The following ZDHHC15 variants were observed in gnomAD, a reference collection of about 807,000 sequenced individuals.
The protein encoded by ZDHHC15 is palmitoyltransferase ZDHHC15.
ZDHHC15 carries 19 observed loss-of-function variants against 31.7 expected under a neutral mutation model. That is an observed-to-expected ratio of 0.60 (90% CI 0.42 to 0.88). ZDHHC15 has a LOEUF of 0.88. Among genes scored for constraint, ZDHHC15 ranks in the 40% least tolerant of loss-of-function variants. ZDHHC15 has a pLI of 0.00. For missense variants in ZDHHC15, 209 were observed against 251.2 expected (o/e 0.83, Z 1.14); for synonymous variants, 103 against 90.0 (o/e 1.14, Z -0.82).
In ZDHHC15 at chrX:75,495,932, T is replaced by TA. The variant is rs1189278556; in HGVS notation, c.163+9888dup. Among the ~76,000 whole-genome samples the TA allele has an allele frequency of 2.7e-3, 254 of 95,145 alleles. 1 individual carries two copies. The highest frequency in any genetic ancestry group is 6.7e-3 in the African/African-American group (176 of 26,129). 82.6% of individuals were successfully genotyped at this position (95,145 alleles called of 115,157 possible). ...TGTACCATAAAACTTGAAGCATAATTAAAAAAAAAAAAAGAAAAACAAGGT... is the reference window on the plus strand; with the variant it reads ...TGTACCATAAAACTTGAAGCATAATTAAAAAAAAAAAAAAGAAAAACAAGGT... On this transcript the variant is annotated intron_variant, in intron 2 of 11. Transcript: ENST00000373367.
At chrX:75,449,534 C>T (rs1416349392) in intron 4 of ZDHHC15, among the ~76,000 whole-genome samples, 4 of 111,745 alleles carry the variant, frequency 3.6e-5, no homozygotes, top group African/African-American at 9.8e-5. Flanking sequence ...ATCCCAAACA[C>T]TGTGTCACTT....
At chrX:75,485,258 C>A (rs1158610982) in intron 2 of ZDHHC15, among the ~76,000 whole-genome samples, 1 of 111,117 alleles carries the variant, frequency 9.0e-6, no homozygotes, top group Non-Finnish European at 1.9e-5. Context: ...TAGATATTTA[C>A]CTTTGGTGTC....
chrX:75,484,689 A>G (rs2084749315), intron 2 of ZDHHC15, among the ~76,000 whole-genome samples: 1 of 112,218 alleles, frequency 8.9e-6, no homozygotes, highest in East Asian at 2.8e-4. Context: ...TCCACTTACC[A>G]TATGACCCAA....
At chrX:75,451,499 C>A (rs980131356) in intron 3 of ZDHHC15, among the ~76,000 whole-genome samples, 1 of 111,863 alleles carries the variant, frequency 8.9e-6, no homozygotes, top group African/African-American at 3.2e-5. Context: ...CACAATAGTG[C>A]CACATTTTGC....
intron 3 of ZDHHC15, among the ~76,000 whole-genome samples, chrX:75,452,559 T>C (rs1443894476): frequency 9.0e-6 from 1 of 111,172 alleles, no homozygotes; most frequent in Non-Finnish European, 1.9e-5. Flanking sequence ...TCCACAGAAC[T>C]CTCCACCCCA....
intron 2 of ZDHHC15, among the ~76,000 whole-genome samples, chrX:75,483,366 A>G (rs2084723773): frequency 9.1e-6 from 1 of 109,848 alleles, no homozygotes; most frequent in African/African-American, 3.3e-5. Context: ...GGAGGCTGAC[A>G]TGGGAGGATT....
intron 1 of ZDHHC15, among the ~76,000 whole-genome samples, chrX:75,513,918 G>A (rs1402462577): frequency 9.0e-6 from 1 of 110,566 alleles, no homozygotes; most frequent in Non-Finnish European, 1.9e-5. Flanking sequence ...TTTCTCTTAA[G>A]AACCCACAGA....
intron 1 of ZDHHC15, among the ~76,000 whole-genome samples, chrX:75,506,357 A>G (rs1474180852): frequency 1.8e-5 from 2 of 111,887 alleles, no homozygotes; most frequent in Non-Finnish European, 3.8e-5. Flanking sequence ...ATAGGGAAAA[A>G]GTCCAGAGAA....
intron 10 of ZDHHC15, among the ~76,000 whole-genome samples, chrX:75,385,859 T>C (rs1266308094): frequency 8.9e-6 from 1 of 111,757 alleles, no homozygotes; most frequent in East Asian, 2.8e-4. Context: ...ATTTTATGGT[T>C]TTAATCATTT....
At position 75,506,516 on chromosome X, in the gene ZDHHC15, C is replaced by T. The variant is rs145534906; in HGVS notation, c.137-669G>A. Among the ~76,000 whole-genome samples, 491 of 111,900 alleles carry T rather than the reference C, an allele frequency of 4.4e-3. 2 individuals carry two copies. The highest frequency in any genetic ancestry group is 0.015 in the African/African-American group (473 of 30,944). ...ATTTGTTACTATGGTTACATTTCAC[C>T]TGTGTTAAAAATCTGACCAGACAAT... On this transcript the variant is annotated intron_variant, in intron 1 of 11. Coordinates refer to ENST00000373367, the MANE Select transcript of ZDHHC15 (RefSeq NM_144969.3).
At position 75,434,254 on chromosome X, in the gene ZDHHC15, T is replaced by C. The variant is rs765114077; in HGVS notation, c.380-2734A>G. ...GGATATTCGTCCCTTGTCACATGCATAGTTTGTGGATAATTTTTCCCAGCC... is the reference window on the plus strand; with the variant it reads ...GGATATTCGTCCCTTGTCACATGCACAGTTTGTGGATAATTTTTCCCAGCC... On this transcript the variant is annotated intron_variant, in intron 4 of 11. Coordinates refer to ENST00000373367, the MANE Select transcript of ZDHHC15 (RefSeq NM_144969.3). Among the ~76,000 whole-genome samples the C allele has an allele frequency of 8.1e-5, 9 of 111,667 alleles. No individual in the cohort carries two copies. The South Asian group carries it at 3.0e-3, about 38-fold the overall frequency.
intron 3 of ZDHHC15, among the ~76,000 whole-genome samples, chrX:75,472,152 G>C (rs1458658454): frequency 9.0e-6 from 1 of 111,610 alleles, no homozygotes; most frequent in African/African-American, 3.3e-5. Flanking sequence ...AAATGCCCAT[G>C]GTCTCCACTC....
chrX:75,384,432 G>A lies in ZDHHC15; in HGVS notation c.968-5234C>T, dbSNP rs61730215. 4.4e-4 allele frequency: 409 copies of A among 935,733 alleles called. No homozygotes were observed. The African/African-American group carries it at 5.9e-3, about 13-fold the overall frequency. The allele number at this position is 935,733 out of a possible 1,213,427, so 77.1% of individuals were successfully genotyped here. ...AACATGGAGTTGTTCCTTTGGCCAC[G>A]TATATGCAAATCTATAAGAAAGGTG... On this transcript the variant is annotated intron_variant, in intron 10 of 11. Transcript: ENST00000373367.
At chrX:75,420,554 C>G (rs2083613509) in intron 9 of ZDHHC15, among the ~76,000 whole-genome samples, 1 of 111,355 alleles carries the variant, frequency 9.0e-6, no homozygotes, top group African/African-American at 3.3e-5. Context: ...TGGAACCAAC[C>G]CAAATGCCCA....
At chrX:75,439,226 C>T (rs1057238390) in intron 4 of ZDHHC15, among the ~76,000 whole-genome samples, 6 of 111,689 alleles carry the variant, frequency 5.4e-5, no homozygotes, top group Non-Finnish European at 1.1e-4. Context: ...ACATTTTCCT[C>T]GGTTTTTCCC....
intron 9 of ZDHHC15, 84 bp from the exon 10 acceptor site, chrX:75,417,274 G>T: frequency 1.1e-5 from 7 of 631,461 alleles, no homozygotes; most frequent in Non-Finnish European, 1.7e-5. Flanking sequence ...ACAAGAGGGG[G>T]GTTCTTAGCC....
chrX:75,377,993 A>T (rs1196462210), intron 11 of ZDHHC15, among the ~76,000 whole-genome samples: 1 of 112,525 alleles, frequency 8.9e-6, no homozygotes, highest in Non-Finnish European at 1.9e-5. Flanking sequence ...CCAAATCTAG[A>T]TATTACTATC....
intron 7 of ZDHHC15, among the ~76,000 whole-genome samples, chrX:75,427,775 T>G (rs1296012665): frequency 8.9e-6 from 1 of 111,793 alleles, no homozygotes; most frequent in African/African-American, 3.2e-5. Context: ...AAGTTTTACT[T>G]CTGCATAAAG....
At chrX:75,440,281 CT>C (rs1556011270) in intron 4 of ZDHHC15, among the ~76,000 whole-genome samples, 4 of 108,038 alleles carry the variant, frequency 3.7e-5, no homozygotes, top group Non-Finnish European at 3.8e-5. Flanking sequence ...TTTTCTTTTC[CT>C]TTTTTTTTTG....
Sources: allele counts gnomAD v4.1 joint callset (sites outside exome capture counted in the v4.1 genomes callset), GRCh38; gene constraint gnomAD v4.1.1; transcripts MANE v1.5; gene names NCBI Gene and HGNC (gene_info 2026-07-23, HGNC 2026-07-21).